The following VAV2 variants were observed in gnomAD, a reference collection of about 807,000 sequenced individuals.
The protein encoded by VAV2 is vav guanine nucleotide exchange factor 2.
In VAV2, 67 loss-of-function variants were observed where a neutral mutation model predicts 132.5. That is an observed-to-expected ratio of 0.51 (90% CI 0.42 to 0.62). The LOEUF (loss-of-function observed/expected upper bound fraction) is 0.62, where lower values mean the gene tolerates loss of function less well. Among genes scored for constraint, VAV2 ranks in the 20% least tolerant of loss-of-function variants. The pLI is 0.00. For missense variants in VAV2, 938 were observed against 1,153.6 expected, an observed-to-expected ratio of 0.81 and a Z score of 2.71; for synonymous variants, 492 against 443.5, an observed-to-expected ratio of 1.11 and a Z score of -1.37.
intron 3 of VAV2, among the ~76,000 whole-genome samples, chr9:133,848,279 C>CAA (rs34908811): frequency 0.014 from 639 of 47,154 alleles, 13 homozygotes; most frequent in Non-Finnish European, 0.03. Context: ...GACTCCGTCT[C>CAA]AAAAAAAAAA....
At chr9:133,959,023 A>C (rs888569571) in intron 1 of VAV2, among the ~76,000 whole-genome samples, 1 of 143,300 alleles carries the variant, frequency 7.0e-6, no homozygotes, top group Non-Finnish European at 1.5e-5. Flanking sequence ...GAAACAGCAC[A>C]GGCCACTGCA....
In VAV2 at chr9:133,814,878, C is replaced by T. The variant is rs544573507; in HGVS notation, c.450-2662G>A. Reference sequence around the variant, plus strand: ...AAGCCCAGCCCGGGCTGCTGCAGGTCTCTCAGATGCCATGGACACACATCC... The same window carrying T: ...AAGCCCAGCCCGGGCTGCTGCAGGTTTCTCAGATGCCATGGACACACATCC... On this transcript the variant is annotated intron_variant, in intron 4 of 29. Transcript: ENST00000371850. Among the ~76,000 whole-genome samples the T allele has an allele frequency of 2.0e-5, 3 of 152,354 alleles. No homozygotes were observed. The East Asian group carries it at 5.8e-4, about 29-fold the overall frequency.
In VAV2 at chr9:133,992,125, G is replaced by T; in HGVS notation, c.154C>A (p.Pro52Thr). 1 of 1,594,568 alleles carries T rather than the reference G, an allele frequency of 6.3e-7. No homozygotes were observed. Reference sequence around the variant, plus strand: ...ATGTCCTTGAGGTCGATGGAGCCGGGGGAGAGGTTGTGCAGCAGCTGGCAC... The same window carrying T: ...ATGTCCTTGAGGTCGATGGAGCCGGTGGAGAGGTTGTGCAGCAGCTGGCAC... ...LLCQLLHNLS[P>T]GSIDLKDINF... Residue 52 changes from proline (P) to threonine (T), a missense_variant, in exon 1 of 30, where the codon CCC becomes ACC. Transcript: ENST00000371850. The surrounding 1 kb of genome is among the most constrained non-coding windows in gnomAD (Gnocchi z 5.5).
chr9:133,970,049 C>T (rs187019691), intron 1 of VAV2, among the ~76,000 whole-genome samples: 107 of 152,282 alleles, frequency 7.0e-4, no homozygotes, highest in African/African-American at 2.4e-3. Context: ...CCTCAGCACC[C>T]GCTGCTCCTG....
rs1192969172 is a variant in VAV2, at chr9:133,885,514, A to T, written c.322-24082T>A. On this transcript the variant is annotated intron_variant, in intron 2 of 29. Coordinates refer to ENST00000371850, the MANE Select transcript of VAV2 (RefSeq NM_001134398.2). The surrounding 1 kb of genome is among the most constrained non-coding windows in gnomAD (Gnocchi z 5.0). ...TGTGGACTCTGCAAGTGTCGTATTT[A>T]CTAATAATGGTGCACCGCCAGGAGC... Among the ~76,000 whole-genome samples, 2 of 152,224 alleles carry T rather than the reference A, an allele frequency of 1.3e-5. No homozygotes were observed. The highest frequency in any genetic ancestry group is 1.5e-5 in the Non-Finnish European group (1 of 68,046).
At chr9:133,958,923 G>A (rs543833747) in intron 1 of VAV2, among the ~76,000 whole-genome samples, 1 of 152,354 alleles carries the variant, frequency 6.6e-6, no homozygotes, top group East Asian at 1.9e-4. Context: ...GAGGTTCCCA[G>A]GCCAGGCCTG....
At chr9:133,787,156 G>GCCCCTGGGT in intron 16 of VAV2, 90 bp downstream of exon 16, 1 of 1,396,688 alleles carries the variant, frequency 7.2e-7, no homozygotes, top group Non-Finnish European at 9.4e-7. Context: ...AGCCCCTCAG[G>GCCCCTGGGT]CCCCTGGGTC....
chr9:133,938,741 G>A (rs1044194885), intron 2 of VAV2, among the ~76,000 whole-genome samples: 2 of 152,054 alleles, frequency 1.3e-5, no homozygotes. Context: ...ATTCTCAGAG[G>A]AAGAATCAAG....
chr9:133,803,233 T>C (rs1835005977), intron 9 of VAV2, among the ~76,000 whole-genome samples: 1 of 152,180 alleles, frequency 6.6e-6, no homozygotes, highest in Non-Finnish European at 1.5e-5. Flanking sequence ...GGGCGTGGCC[T>C]TCGTCTCGTT....
At chr9:133,975,769 A>T (rs1842484025) in intron 1 of VAV2, among the ~76,000 whole-genome samples, 1 of 152,214 alleles carries the variant, frequency 6.6e-6, no homozygotes, top group Non-Finnish European at 1.5e-5. Context: ...AATATCTCAT[A>T]CCTGTATGTT....
chr9:133,916,017 G>A (rs1222891862), intron 2 of VAV2, among the ~76,000 whole-genome samples: 3 of 150,422 alleles, frequency 2.0e-5, no homozygotes, highest in Non-Finnish European at 3.0e-5. Flanking sequence ...ACACATGCAC[G>A]GAATGCACAC....
intron 1 of VAV2, among the ~76,000 whole-genome samples, chr9:133,957,212 G>T (rs117044694): frequency 6.6e-6 from 1 of 152,142 alleles, no homozygotes; most frequent in African/African-American, 2.4e-5. Flanking sequence ...CTGCAGGTCC[G>T]GTCTCATTTC....
chr9:133,949,151 C>T (rs952987600), intron 1 of VAV2, among the ~76,000 whole-genome samples: 3 of 152,112 alleles, frequency 2.0e-5, no homozygotes, highest in Non-Finnish European at 4.4e-5. Flanking sequence ...TACCAAAACG[C>T]GACTCACAAC....
At chr9:133,847,468 T>C (rs1836980370) in intron 3 of VAV2, among the ~76,000 whole-genome samples, 1 of 152,090 alleles carries the variant, frequency 6.6e-6, no homozygotes, top group South Asian at 2.1e-4. Context: ...GCCTCTCCTG[T>C]CCCCAGGGTC....
chr9:133,796,282 C>G, intron 11 of VAV2, 147 bp downstream of exon 11: 1 of 637,524 alleles, frequency 1.6e-6, no homozygotes. Flanking sequence ...ATGCATTGAG[C>G]GGTGATTATG....
chr9:133,768,654 A>AG lies in VAV2; in HGVS notation c.2435-59dup. On this transcript the variant is annotated intron_variant, in intron 28 of 29. Coordinates refer to ENST00000371850, the MANE Select transcript of VAV2 (RefSeq NM_001134398.2). The surrounding 1 kb of genome is among the most constrained non-coding windows in gnomAD (Gnocchi z 5.3). The stretch of plus-strand genomic sequence containing the variant: ...GCAGGAGGAGCCCAACCAGTGATCC[A>AG]GGAGGCCCTTGGGCCAAGCTGGGTC... The AG allele has an allele frequency of 6.3e-7, 1 of 1,576,056 alleles. No homozygotes were observed. Among genetic ancestry groups the AG allele is most frequent in the Non-Finnish European group, 8.6e-7 (1 of 1,162,538 alleles).
rs999029448 is a variant in VAV2, at chr9:133,794,971, G to A, written c.1101+697C>T. On this transcript the variant is annotated intron_variant, in intron 12 of 29. Transcript: ENST00000371850. This position sits in a 1 kb window ranked among gnomAD's most constrained non-coding sequence, Gnocchi z 4.6. ...GATGAGCAGGACGTGGCCAGGTGAC[G>A]AGGAGGAGGGTGCACCTGAGCCAAC... Among the ~76,000 whole-genome samples the A allele has an allele frequency of 6.6e-6, 1 of 152,250 alleles. No individual in the cohort carries two copies. The highest frequency in any genetic ancestry group is 1.5e-5 in the Non-Finnish European group (1 of 68,048).
At chr9:133,953,246 G>A (rs1195988741) in intron 1 of VAV2, among the ~76,000 whole-genome samples, 2 of 152,250 alleles carry the variant, frequency 1.3e-5, no homozygotes, top group African/African-American at 2.4e-5. Flanking sequence ...GTGGTTCTTT[G>A]TTGGGCAACT....
rs574298624 is a variant in VAV2 at position 133,918,752 on chromosome 9, G to T, written c.321+20351C>A. On this transcript the variant is annotated intron_variant, in intron 2 of 29. Transcript: ENST00000371850. This position sits in a 1 kb window ranked among gnomAD's most constrained non-coding sequence, Gnocchi z 4.7. ...CTCCTAAGCCTCCCAAGAAGCAGCCGCCATGTGTGTGTGTGTGTTTGTTTG... is the reference window on the plus strand; with the variant it reads ...CTCCTAAGCCTCCCAAGAAGCAGCCTCCATGTGTGTGTGTGTGTTTGTTTG... Among the ~76,000 whole-genome samples, 1 of 143,336 alleles carries T rather than the reference G, an allele frequency of 7.0e-6. No homozygotes were observed. The highest frequency in any genetic ancestry group is 6.6e-5 in the Admixed American group (1 of 15,094). The allele number at this position is 143,336 out of a possible 152,430, so 94.0% of individuals were successfully genotyped here.
Sources: gnomAD v4.1 joint callset for allele counts (sites outside exome capture counted in the v4.1 genomes callset) on GRCh38, gnomAD v4.1.1 for gene constraint, Gnocchi (gnomAD v3.1) non-coding constraint, MANE v1.5 for transcripts, NCBI Gene and HGNC (gene_info 2026-07-23, HGNC 2026-07-21) for gene names.